Variants in MIS18A observed in about 807,000 individuals in gnomAD.
MIS18A encodes MIS18 kinetochore protein A, also known as protein Mis18-alpha.
In MIS18A, 14 loss-of-function variants were observed where a neutral mutation model predicts 25.0. The ratio of observed to expected loss-of-function variants is 0.56; its 90% CI spans 0.37 to 0.88. The LOEUF (loss-of-function observed/expected upper bound fraction) is 0.88, where lower values mean the gene tolerates loss of function less well. Ranked by LOEUF, MIS18A falls within the 40% of genes least tolerant of loss-of-function variation. MIS18A has a pLI of 0.00. For synonymous variants in MIS18A, 134 were observed against 118.6 expected (o/e 1.13, Z -0.84); for missense variants, 292 against 290.8 (o/e 1.00, Z -0.03).
rs1003185041 is a variant in MIS18A at position 32,278,866 on chromosome 21, C to T, written c.149G>A (p.Ser50Asn). The stretch of plus-strand genomic sequence containing the variant: ...GTCTTCGCTCATGGAGCTCCACATG[C>T]TCGCCCACTTCTGCAACAGCTGGTG... Reference protein sequence around the residue: ...SRHQLLQKWASMWSSMSEDAS... With the variant: ...SRHQLLQKWANMWSSMSEDAS... The change falls in exon 1 of 5, where the codon AGC becomes AAC. Residue 50 changes from serine (S) to asparagine (N), a missense_variant. Physicochemically the swap from Ser to Asn is conservative, Grantham distance 46. Coordinates refer to ENST00000290130, the MANE Select transcript of MIS18A (RefSeq NM_018944.3). 21 of 1,612,964 alleles carry T rather than the reference C, an allele frequency of 1.3e-5. No individual in the cohort carries two copies. The highest frequency in any genetic ancestry group is 1.6e-4 in the Middle Eastern group (1 of 6,082).
At chr21:32,227,240 AAAGT>A in the MIS18A span, among the ~76,000 whole-genome samples, 4 of 152,094 alleles carry the variant, frequency 2.6e-5, no homozygotes, top group Admixed American at 2.6e-4. Flanking sequence ...TAGAGAATAG[AAAGT>A]AATAAAAATA....
chr21:32,235,258 C>T, the MIS18A span, among the ~76,000 whole-genome samples: 1 of 152,286 alleles, frequency 6.6e-6, no homozygotes, highest in East Asian at 1.9e-4. Flanking sequence ...CCTGAGGCGG[C>T]CAGCAACCAA....
chr21:32,214,420 A>C, the MIS18A span, among the ~76,000 whole-genome samples: 1 of 151,998 alleles, frequency 6.6e-6, no homozygotes, highest in Non-Finnish European at 1.5e-5. Flanking sequence ...CAAGGGTCCC[A>C]GTCAGGAAGG....
chr21:32,162,653 T>C, the MIS18A span, among the ~76,000 whole-genome samples: 3 of 152,234 alleles, frequency 2.0e-5, no homozygotes, highest in African/African-American at 7.2e-5. Flanking sequence ...GCAAGGATAC[T>C]TTCCTATTCA....
the MIS18A span, among the ~76,000 whole-genome samples, chr21:32,221,550 C>G: frequency 6.6e-6 from 1 of 151,864 alleles, no homozygotes; most frequent in East Asian, 1.9e-4. Context: ...AGACCATCAA[C>G]ACTATGAAGA....
chr21:32,248,567 A>G, the MIS18A span, among the ~76,000 whole-genome samples: 1 of 152,256 alleles, frequency 6.6e-6, no homozygotes, highest in African/African-American at 2.4e-5. Context: ...AGTCGGAGCC[A>G]CAGGTAAACA....
At chr21:32,209,617 C>T in the MIS18A span, among the ~76,000 whole-genome samples, 2 of 152,152 alleles carry the variant, frequency 1.3e-5, no homozygotes, top group Non-Finnish European at 2.9e-5. Flanking sequence ...GCTGTGTTCC[C>T]ACCCAAATCT....
At chr21:32,168,691 A>G in the MIS18A span, among the ~76,000 whole-genome samples, 2 of 152,230 alleles carry the variant, frequency 1.3e-5, no homozygotes, top group Non-Finnish European at 2.9e-5. Context: ...CTTTAAAATG[A>G]CAGTTGTGAT....
chr21:32,254,775 G>A, the MIS18A span, among the ~76,000 whole-genome samples: 2 of 152,000 alleles, frequency 1.3e-5, no homozygotes, highest in Admixed American at 6.6e-5. Context: ...ATCTTAATCC[G>A]GGCCCAGATT....
chr21:32,258,581 G>A, the MIS18A span, among the ~76,000 whole-genome samples: 1 of 152,144 alleles, frequency 6.6e-6, no homozygotes, highest in Non-Finnish European at 1.5e-5. Flanking sequence ...CTCACAGCCT[G>A]AGAGTGATAC....
chr21:32,238,333 A>T, the MIS18A span, among the ~76,000 whole-genome samples: 1 of 152,180 alleles, frequency 6.6e-6, no homozygotes, highest in East Asian at 1.9e-4. Flanking sequence ...TTTGTTCCAC[A>T]TATTCATACT....
At chr21:32,265,718 C>T (rs1363896705), downstream of MIS18A, among the ~76,000 whole-genome samples, 1 of 152,260 alleles carries the variant, frequency 6.6e-6, no homozygotes, top group Non-Finnish European at 1.5e-5. Flanking sequence ...GGAATGCGAG[C>T]ACAGGGCACA....
chr21:32,209,225 T>G, the MIS18A span, among the ~76,000 whole-genome samples: 8 of 152,206 alleles, frequency 5.3e-5, no homozygotes, highest in Non-Finnish European at 1.2e-4. Context: ...AAACTGCTCT[T>G]GCAAAAAGCT....
chr21:32,263,192 C>A, the MIS18A span, among the ~76,000 whole-genome samples: 7 of 152,198 alleles, frequency 4.6e-5, no homozygotes, highest in Non-Finnish European at 1.0e-4. Flanking sequence ...CTGGGGAGAG[C>A]AAAATAGATG....
At chr21:32,200,490 G>A in the MIS18A span, among the ~76,000 whole-genome samples, 1 of 150,174 alleles carries the variant, frequency 6.7e-6, no homozygotes, top group Non-Finnish European at 1.5e-5. Flanking sequence ...CTGGAGTGCA[G>A]AGGTGCAATC....
the MIS18A span, among the ~76,000 whole-genome samples, chr21:32,245,964 G>A: frequency 1.3e-5 from 2 of 152,148 alleles, no homozygotes. Flanking sequence ...CATCTGCTCG[G>A]CTTCTGGAGT....
the MIS18A span, among the ~76,000 whole-genome samples, chr21:32,200,093 C>A: frequency 6.6e-6 from 1 of 152,196 alleles, no homozygotes; most frequent in Admixed American, 6.5e-5. Context: ...CTGTAAAGGT[C>A]CAGACAATAA....
chr21:32,250,567 GCT>G, the MIS18A span, among the ~76,000 whole-genome samples: 60 of 152,276 alleles, frequency 3.9e-4, no homozygotes, highest in African/African-American at 1.4e-3. Flanking sequence ...TTCTTCTCCA[GCT>G]CTGACTCCCT....
the MIS18A span, among the ~76,000 whole-genome samples, chr21:32,157,536 G>A: frequency 6.6e-6 from 1 of 151,162 alleles, no homozygotes; most frequent in Non-Finnish European, 1.5e-5. Context: ...TTTTGTTATT[G>A]TTGTTGTTGT....
Sources: gnomAD v4.1 joint callset for allele counts (sites outside exome capture counted in the v4.1 genomes callset) on GRCh38, gnomAD v4.1.1 for gene constraint, MANE v1.5 for transcripts, NCBI Gene and HGNC (gene_info 2026-07-23, HGNC 2026-07-21) for gene names.